PGM5: variants seen among roughly 807,000 people sequenced by gnomAD.
PGM5 encodes phosphoglucomutase-like protein 5.
In PGM5, 23 loss-of-function variants were observed where a neutral mutation model predicts 59.2. The ratio of observed to expected loss-of-function variants is 0.39; its 90% confidence interval spans 0.28 to 0.55. The LOEUF is 0.55. Among genes scored for constraint, PGM5 ranks in the 20% least tolerant of loss-of-function variants. PGM5 has a pLI of 0.66. For synonymous variants in PGM5, 214 were observed against 286.0 expected, an observed-to-expected ratio of 0.75 and a Z score of 2.54; for missense variants, 574 against 748.3, an observed-to-expected ratio of 0.77 and a Z score of 2.72.
At chr9:68,467,073 A>G (rs1554685889) in intron 7 of PGM5, among the ~76,000 whole-genome samples, 1 of 152,166 alleles carries the variant, frequency 6.6e-6, no homozygotes. Flanking sequence ...GGGGGAGCAG[A>G]AGGGCTTCAT....
chr9:68,376,520 T>C (rs1199011923), intron 1 of PGM5, among the ~76,000 whole-genome samples: 10 of 150,392 alleles, frequency 6.6e-5, no homozygotes, highest in African/African-American at 2.2e-4. Flanking sequence ...TGTGTGTGTG[T>C]GTGTTTTGAT....
intron 6 of PGM5, among the ~76,000 whole-genome samples, chr9:68,416,848 A>AT (rs2132043912): frequency 6.6e-6 from 1 of 152,344 alleles, no homozygotes; most frequent in South Asian, 2.1e-4. Context: ...TGATTTTGTT[A>AT]TTTTACAGCC....
At chr9:68,502,320 G>A (rs1312654592) in intron 10 of PGM5, among the ~76,000 whole-genome samples, 2 of 152,306 alleles carry the variant, frequency 1.3e-5, no homozygotes, top group African/African-American at 4.8e-5. Context: ...TTGGAAAAAG[G>A]AATGAGCCAA....
chr9:68,386,433 A>G (rs1463299822), intron 3 of PGM5, among the ~76,000 whole-genome samples: 3 of 152,214 alleles, frequency 2.0e-5, no homozygotes, highest in Non-Finnish European at 4.4e-5. Context: ...AAGTGTAAGA[A>G]AAAATATTTT....
At chr9:68,462,923 A>ATTTC (rs1554685519) in intron 6 of PGM5, among the ~76,000 whole-genome samples, 4 of 152,018 alleles carry the variant, frequency 2.6e-5, no homozygotes, top group African/African-American at 9.7e-5. Context: ...GGTAAATGAA[A>ATTTC]ATTTACCTTT....
intron 6 of PGM5, among the ~76,000 whole-genome samples, chr9:68,460,289 C>A (rs1463628706): frequency 6.6e-6 from 1 of 152,178 alleles, no homozygotes; most frequent in Non-Finnish European, 1.5e-5. Context: ...TGAATACCTA[C>A]TATGAGCAAG....
At chr9:68,369,687 G>A (rs1197338813) in intron 1 of PGM5, among the ~76,000 whole-genome samples, 7 of 152,066 alleles carry the variant, frequency 4.6e-5, no homozygotes, top group African/African-American at 7.2e-5. Flanking sequence ...GTGACTTTTC[G>A]GCACTTATTC....
At chr9:68,512,179 C>A (rs900275875) in intron 10 of PGM5, among the ~76,000 whole-genome samples, 1 of 152,168 alleles carries the variant, frequency 6.6e-6, no homozygotes, top group Admixed American at 6.5e-5. Context: ...AGAGAAAGGG[C>A]TTGAACACTG....
chr9:68,424,286 A>G (rs1392558705), intron 6 of PGM5, among the ~76,000 whole-genome samples: 2 of 152,228 alleles, frequency 1.3e-5, no homozygotes, highest in Non-Finnish European at 2.9e-5. Context: ...CTTATGAACA[A>G]CAGAAATTTA....
chr9:68,428,973 C>T (rs2026033), intron 6 of PGM5: 87,031 of 151,854 alleles, frequency 0.57, 24,856 homozygotes, highest in Admixed American at 0.59. Flanking sequence ...TTGGGTGAGC[C>T]TGGAAAAATC....
chr9:68,520,717 A>G (rs750191110), intron 10 of PGM5, among the ~76,000 whole-genome samples: 1 of 152,236 alleles, frequency 6.6e-6, no homozygotes, highest in Non-Finnish European at 1.5e-5. Flanking sequence ...ATAGGAATCA[A>G]AGGGAAGTCC....
rs372751242 is a variant in PGM5 at position 68,453,512 on chromosome 9, T to C, written c.1044-11581T>C. The stretch of plus-strand genomic sequence containing the variant: ...CACCACCACAGCTGGCTAATTTTAG[T>C]ATTTTTTCTTTTTTTGAGCCAGGAG... On this transcript the variant is annotated intron_variant, in intron 6 of 10. Coordinates refer to ENST00000396396, the MANE Select transcript of PGM5 (RefSeq NM_021965.4). Among the ~76,000 whole-genome samples the C allele has an allele frequency of 3.4e-4, 52 of 152,150 alleles. 1 individual carries two copies. In the South Asian group the frequency reaches 7.9e-3, roughly 23 times the overall value.
chr9:68,487,650 T>A (rs1824319170), intron 9 of PGM5, among the ~76,000 whole-genome samples: 1 of 152,134 alleles, frequency 6.6e-6, no homozygotes, highest in Admixed American at 6.5e-5. Context: ...GATTCCCAGT[T>A]GTCTCTTGTT....
chr9:68,473,891 C>A (rs7042123), intron 7 of PGM5, among the ~76,000 whole-genome samples: 6 of 152,106 alleles, frequency 3.9e-5, no homozygotes, highest in East Asian at 1.9e-4. Flanking sequence ...AGAACCCCCC[C>A]ATGTGAGCAA....
At chr9:68,467,184 G>A (rs1823948195) in intron 7 of PGM5, among the ~76,000 whole-genome samples, 1 of 152,122 alleles carries the variant, frequency 6.6e-6, no homozygotes, top group African/African-American at 2.4e-5. Flanking sequence ...GAAATCTGTG[G>A]AAAAGAACTT....
At chr9:68,484,394 G>T (rs967513659) in intron 9 of PGM5, among the ~76,000 whole-genome samples, 1 of 148,604 alleles carries the variant, frequency 6.7e-6, no homozygotes, top group Non-Finnish European at 1.5e-5. Context: ...AAAAAAAATA[G>T]CTGGGCATGG....
intron 1 of PGM5, among the ~76,000 whole-genome samples, chr9:68,365,908 G>A (rs1306787280): frequency 6.6e-6 from 1 of 152,110 alleles, no homozygotes; most frequent in Non-Finnish European, 1.5e-5. Context: ...CATGTAAAAA[G>A]GTTTTCCAAA....
At chr9:68,407,716 T>C (rs1469685431) in intron 6 of PGM5, among the ~76,000 whole-genome samples, 4 of 152,218 alleles carry the variant, frequency 2.6e-5, no homozygotes, top group Non-Finnish European at 5.9e-5. Context: ...ACACATCCCA[T>C]TAAAACATAT....
intron 6 of PGM5, among the ~76,000 whole-genome samples, chr9:68,411,101 G>A (rs1379053539): frequency 1.3e-5 from 2 of 152,150 alleles, no homozygotes; most frequent in Non-Finnish European, 2.9e-5. Flanking sequence ...GTCCTCCTGT[G>A]CCATATTTGT....
Sources: gnomAD v4.1 joint callset for allele counts (sites outside exome capture counted in the v4.1 genomes callset) on GRCh38, gnomAD v4.1.1 for gene constraint, MANE v1.5 for transcripts, NCBI Gene and HGNC (gene_info 2026-07-23, HGNC 2026-07-21) for gene names.